DNAH12: variants seen among roughly 807,000 people sequenced by gnomAD.
DNAH12 encodes axonemal beta dynein heavy chain 12.
A neutral mutation model predicts 371.5 loss-of-function variants in DNAH12; 285 were observed. The observed-to-expected ratio is 0.77, with a 90% CI of 0.70 to 0.85. The LOEUF is 0.85. Among genes scored for constraint, DNAH12 ranks in the 40% least tolerant of loss-of-function variants. The pLI, the probability that DNAH12 is intolerant of heterozygous loss-of-function variation, is 0.00. For synonymous variants in DNAH12, 1,200 were observed against 1,213.0 expected (o/e 0.99, Z 0.22); for missense variants, 3,611 against 3,689.4 (o/e 0.98, Z 0.55).
At chr3:57,370,923 G>A (rs1040422401) in intron 55 of DNAH12, among the ~76,000 whole-genome samples, 2 of 152,094 alleles carry the variant, frequency 1.3e-5, no homozygotes, top group Non-Finnish European at 2.9e-5. Flanking sequence ...GCTTAATGAA[G>A]TCACTGACAG....
chr3:57,382,702 TACGTGGA>T, intron 49 of DNAH12, among the ~76,000 whole-genome samples: 1 of 152,282 alleles, frequency 6.6e-6, no homozygotes, highest in South Asian at 2.1e-4. Context: ...ACCACACCCA[TACGTGGA>T]ACCTAAGTTA....
intron 11 of DNAH12, among the ~76,000 whole-genome samples, chr3:57,497,047 C>CA (rs1235343221): frequency 6.6e-6 from 1 of 151,862 alleles, no homozygotes; most frequent in African/African-American, 2.4e-5. Context: ...AAAATATTTG[C>CA]AAGAGCTGTA....
chr3:57,296,034 A>T (rs1364630897), intron 72 of DNAH12, among the ~76,000 whole-genome samples: 2 of 152,226 alleles, frequency 1.3e-5, no homozygotes, highest in African/African-American at 4.8e-5. Context: ...AACTAACTGT[A>T]AACCATTTAA....
chr3:57,416,128 G>A (rs2064369122), intron 37 of DNAH12, among the ~76,000 whole-genome samples: 2 of 152,078 alleles, frequency 1.3e-5, no homozygotes, highest in South Asian at 4.1e-4. Context: ...CTGTCACTCA[G>A]TCTGGAATGA....
At chr3:57,522,801 T>C (rs1045758735) in intron 4 of DNAH12, among the ~76,000 whole-genome samples, 48 of 152,098 alleles carry the variant, frequency 3.2e-4, no homozygotes, top group African/African-American at 1.1e-3. Flanking sequence ...CCACCAATCA[T>C]ATCATAAGTC....
chr3:57,324,031 C>T (rs2061874003), intron 62 of DNAH12, among the ~76,000 whole-genome samples: 2 of 152,184 alleles, frequency 1.3e-5, no homozygotes, highest in African/African-American at 2.4e-5. Flanking sequence ...GTAGAAATTA[C>T]TTATGGATCT....
intron 66 of DNAH12, among the ~76,000 whole-genome samples, chr3:57,314,013 T>C (rs1223458872): frequency 6.6e-6 from 1 of 152,198 alleles, no homozygotes; most frequent in Non-Finnish European, 1.5e-5. Context: ...GCTGTCTTGG[T>C]GATACTTTGA....
intron 2 of DNAH12, among the ~76,000 whole-genome samples, chr3:57,537,677 G>C (rs1010625424): frequency 6.7e-6 from 1 of 149,536 alleles, no homozygotes; most frequent in Admixed American, 6.7e-5. Context: ...TTTAAAAAAT[G>C]GTTTCTAAAA....
chr3:57,448,289 G>A (rs7653147), intron 25 of DNAH12, among the ~76,000 whole-genome samples: 16,385 of 152,008 alleles, frequency 0.11, 2,613 homozygotes, highest in African/African-American at 0.34. Flanking sequence ...TGGCTCAGGA[G>A]TGAAGCTGCA....
At chr3:57,548,233 T>A (rs1437845676), upstream of DNAH12, among the ~76,000 whole-genome samples, 1 of 152,170 alleles carries the variant, frequency 6.6e-6, no homozygotes, top group African/African-American at 2.4e-5. Flanking sequence ...TTCATATAAA[T>A]GTAATGCAAA....
chr3:57,467,647 T>A (rs556334038), intron 17 of DNAH12, among the ~76,000 whole-genome samples: 10 of 152,308 alleles, frequency 6.6e-5, no homozygotes, highest in Middle Eastern at 3.4e-3. Flanking sequence ...ATACTCTTCC[T>A]ATGTTTTCCA....
chr3:57,521,571 C>G lies in DNAH12; in HGVS notation c.279+2012G>C, dbSNP rs188744909. Reference sequence around the variant, plus strand: ...CTATTTCTAGGTCATCTATTCTGTTCCACTAATCAAAGTTTTTTAAAAAAG... The same window carrying G: ...CTATTTCTAGGTCATCTATTCTGTTGCACTAATCAAAGTTTTTTAAAAAAG... On this transcript the variant is annotated intron_variant, in intron 4 of 73. Coordinates refer to ENST00000495027, the MANE Select transcript of DNAH12 (RefSeq NM_001366028.2). Among the ~76,000 whole-genome samples the G allele has an allele frequency of 2.6e-5, 4 of 152,246 alleles. No individual in the cohort carries two copies. In the East Asian group the frequency reaches 7.7e-4, roughly 29 times the overall value.
chr3:57,447,131 G>A (rs549024564), intron 25 of DNAH12, among the ~76,000 whole-genome samples: 6 of 152,140 alleles, frequency 3.9e-5, no homozygotes, highest in Non-Finnish European at 7.3e-5. Context: ...ATATAATTTT[G>A]TCTACGATTT....
chr3:57,338,881 GACA>G (rs1286002611), intron 60 of DNAH12, among the ~76,000 whole-genome samples: 9 of 152,252 alleles, frequency 5.9e-5, no homozygotes, highest in Non-Finnish European at 1.0e-4. Flanking sequence ...GCTCCGAAGA[GACA>G]ACGACCATTG....
In DNAH12 at chr3:57,322,327, A is replaced by G. The variant is rs747865927; in HGVS notation, c.10524+16T>C. On this transcript the variant is annotated intron_variant, in intron 65 of 73. Transcript: ENST00000495027. ...CTATAAAACACATTTTAAAAGTTCC[A>G]AAAGATGAATATTACCAGTTCCTTT... The G allele has an allele frequency of 6.5e-7, 1 of 1,539,274 alleles. No individual in the cohort carries two copies. The highest frequency in any genetic ancestry group is 1.2e-5 in the South Asian group (1 of 81,732).
rs916456089 is a variant in DNAH12, at chr3:57,459,589, C to T, written c.2931+3G>A. 4 of 1,460,034 alleles carry T rather than the reference C, an allele frequency of 2.7e-6. No individual in the cohort carries two copies. The African/African-American group carries it at 4.2e-5, about 15-fold the overall frequency. The allele number at this position is 1,460,034 out of a possible 1,614,324, so 90.4% of individuals were successfully genotyped here. ...ACTGTGAGAGAGAAAACAAACACTTCACCTTTGGATCTTTAGCACAAAACT... is the reference window on the plus strand; with the variant it reads ...ACTGTGAGAGAGAAAACAAACACTTTACCTTTGGATCTTTAGCACAAAACT... On this transcript the variant is annotated splice_donor_region_variant and intron_variant, in intron 20 of 73. Coordinates refer to ENST00000495027, the MANE Select transcript of DNAH12 (RefSeq NM_001366028.2).
chr3:57,488,364 T>C (rs555324361), intron 12 of DNAH12, among the ~76,000 whole-genome samples: 1 of 152,240 alleles, frequency 6.6e-6, no homozygotes, highest in Admixed American at 6.5e-5. Flanking sequence ...AGCTAATTTT[T>C]TGTATTTTTA....
At chr3:57,355,360 T>C (rs2062774010) in intron 59 of DNAH12, among the ~76,000 whole-genome samples, 2 of 152,018 alleles carry the variant, frequency 1.3e-5, no homozygotes, top group African/African-American at 4.8e-5. Context: ...TCAACAAAGA[T>C]GAAGAAAAAC....
chr3:57,420,588 G>C (rs2064539792), intron 36 of DNAH12, among the ~76,000 whole-genome samples: 2 of 152,084 alleles, frequency 1.3e-5, no homozygotes, highest in Admixed American at 6.6e-5. Flanking sequence ...AAGCTGGATA[G>C]TTTGGTATTT....
Sources: gnomAD v4.1 joint callset for allele counts (sites outside exome capture counted in the v4.1 genomes callset) on GRCh38, gnomAD v4.1.1 for gene constraint, MANE v1.5 for transcripts, NCBI Gene and HGNC (gene_info 2026-07-23, HGNC 2026-07-21) for gene names.